SYT2: variants seen among roughly 807,000 people sequenced by gnomAD.
SYT2 encodes synaptotagmin-2.
Under a neutral mutation model 39.9 loss-of-function variants are expected in SYT2, and 15 were observed. The observed-to-expected ratio is 0.38, with a 90% CI of 0.25 to 0.58. The LOEUF (loss-of-function observed/expected upper bound fraction) is 0.58. Among genes scored for constraint, SYT2 ranks in the 20% least tolerant of loss-of-function variants. The probability of loss-of-function intolerance (pLI) is 0.70; values close to 1 mark genes in which losing one functional copy is unlikely to be tolerated. For missense variants in SYT2, 389 were observed against 530.3 expected, an observed-to-expected ratio of 0.73 and a Z score of 2.62; for synonymous variants, 181 against 204.5, an observed-to-expected ratio of 0.89 and a Z score of 0.98.
At chr1:202,620,654 C>A (rs990004198) in intron 1 of SYT2, among the ~76,000 whole-genome samples, 1 of 151,958 alleles carries the variant, frequency 6.6e-6, no homozygotes, top group South Asian at 2.1e-4. Flanking sequence ...TGTCTAGAGG[C>A]TCTCTCTTTC....
chr1:202,655,279 G>A, intron 1 of SYT2, among the ~76,000 whole-genome samples: 1 of 152,178 alleles, frequency 6.6e-6, no homozygotes, highest in Admixed American at 6.5e-5. Context: ...GCGAGCCCAG[G>A]ACAGGCCTTG....
At chr1:202,622,963 A>C (rs1691245395) in intron 1 of SYT2, among the ~76,000 whole-genome samples, 1 of 152,092 alleles carries the variant, frequency 6.6e-6, no homozygotes, top group Admixed American at 6.5e-5. Flanking sequence ...CACACAAACA[A>C]CACCGCTAAA....
intron 1 of SYT2, among the ~76,000 whole-genome samples, chr1:202,616,986 C>T (rs1691059620): frequency 6.6e-6 from 1 of 152,230 alleles, no homozygotes; most frequent in Admixed American, 6.5e-5. Flanking sequence ...TCATAAAATG[C>T]AAAGCCAGTC....
chr1:202,684,982 G>C (rs1012919298), intron 1 of SYT2, among the ~76,000 whole-genome samples: 6 of 152,140 alleles, frequency 3.9e-5, no homozygotes, highest in Non-Finnish European at 7.3e-5. Flanking sequence ...CTGTGGACAG[G>C]GTTGGGGGAG....
intron 1 of SYT2, among the ~76,000 whole-genome samples, chr1:202,671,662 TCCA>T (rs1388688419): frequency 6.6e-6 from 1 of 152,168 alleles, no homozygotes; most frequent in Non-Finnish European, 1.5e-5. Context: ...ATGTCCAGAA[TCCA>T]CCAAGGCAGG....
Position 202,596,300 on chromosome 1 carries a change from C to CACAT in SYT2, c.*456_*457insATGT, listed in dbSNP as rs1553333850. 3.5e-3 allele frequency: 242 copies of CACAT among 69,572 alleles called. 1 individual carries two copies. The highest frequency in any genetic ancestry group is 0.011 in the African/African-American group (167 of 15,006). The allele number at this position is 69,572 out of a possible 1,614,324, so 4.3% of individuals were successfully genotyped here. A position where few individuals can be genotyped will look rare whatever the true frequency, so the allele number is the denominator to read the frequency against. On this transcript the variant is annotated 3_prime_UTR_variant, in exon 9 of 9. Transcript: ENST00000367268. ...ACACACACACACACACACACACACACACACACATACACACACACACACACA... is the reference window on the plus strand; with the variant it reads ...ACACACACACACACACACACACACACACATACACACATACACACACACACACACA...
At chr1:202,683,693 G>A (rs1019983670) in intron 1 of SYT2, among the ~76,000 whole-genome samples, 4 of 148,736 alleles carry the variant, frequency 2.7e-5, no homozygotes, top group Admixed American at 2.0e-4. Flanking sequence ...AGTGAGCCAC[G>A]ATGGTGCCAC....
intron 1 of SYT2, chr1:202,627,675 G>A (rs1691456357): frequency 1.0e-6 from 1 of 975,126 alleles, no homozygotes; most frequent in Non-Finnish European, 1.2e-6. Context: ...TTGACCAGGA[G>A]TTGTCTGCCT....
intron 8 of SYT2, among the ~76,000 whole-genome samples, chr1:202,598,798 A>G (rs1419053678): frequency 6.6e-6 from 1 of 152,216 alleles, no homozygotes; most frequent in Non-Finnish European, 1.5e-5. Context: ...GAAGCAGATC[A>G]GAGGAGTAGA....
intron 1 of SYT2, among the ~76,000 whole-genome samples, chr1:202,702,199 C>A (rs752963032): frequency 1.8e-4 from 28 of 152,204 alleles, no homozygotes; most frequent in Non-Finnish European, 3.2e-4. Context: ...GAGCACGCCT[C>A]CCTGGGAAGC....
chr1:202,707,090 T>C (rs1331835853), intron 1 of SYT2, among the ~76,000 whole-genome samples: 2 of 152,180 alleles, frequency 1.3e-5, no homozygotes, highest in East Asian at 3.8e-4. Context: ...AACAGGTCTG[T>C]TTTGTTCCCA....
At chr1:202,675,063 T>A (rs2149110599) in intron 1 of SYT2, among the ~76,000 whole-genome samples, 1 of 152,284 alleles carries the variant, frequency 6.6e-6, no homozygotes, top group South Asian at 2.1e-4. Flanking sequence ...TATTACAGCA[T>A]CCCCTGAACA....
At chr1:202,681,697 G>A (rs928015666) in intron 1 of SYT2, among the ~76,000 whole-genome samples, 2 of 152,140 alleles carry the variant, frequency 1.3e-5, no homozygotes, top group Non-Finnish European at 2.9e-5. Context: ...ATGGCTGCTT[G>A]GATGACTCCC....
At chr1:202,709,583 A>C (rs950236541) in intron 1 of SYT2, among the ~76,000 whole-genome samples, 1 of 152,246 alleles carries the variant, frequency 6.6e-6, no homozygotes, top group Non-Finnish European at 1.5e-5. Context: ...CCTTGGGGAC[A>C]GAGCTGAAGC....
At chr1:202,641,759 C>T (rs1349143269) in intron 1 of SYT2, among the ~76,000 whole-genome samples, 2 of 152,188 alleles carry the variant, frequency 1.3e-5, no homozygotes, top group African/African-American at 2.4e-5. Flanking sequence ...GAGAGCAGAC[C>T]GCATGACCTT....
intron 1 of SYT2, among the ~76,000 whole-genome samples, chr1:202,609,666 C>T (rs1372684835): frequency 6.6e-6 from 1 of 152,154 alleles, no homozygotes; most frequent in African/African-American, 2.4e-5. Flanking sequence ...TTTCATGTGT[C>T]TTTTGGCTGC....
intron 1 of SYT2, among the ~76,000 whole-genome samples, chr1:202,679,090 C>T (rs774350564): frequency 1.2e-4 from 19 of 152,248 alleles, no homozygotes; most frequent in East Asian, 3.9e-4. Context: ...TCTGGGGCGA[C>T]GCCCATCTCT....
intron 1 of SYT2, among the ~76,000 whole-genome samples, chr1:202,678,318 G>T (rs975124369): frequency 5.3e-5 from 8 of 149,702 alleles, no homozygotes; most frequent in Non-Finnish European, 1.2e-4. Flanking sequence ...AAATAAAATG[G>T]ATGCTTGTAC....
intron 1 of SYT2, among the ~76,000 whole-genome samples, chr1:202,620,911 C>A (rs577372019): frequency 1.3e-5 from 2 of 152,256 alleles, no homozygotes; most frequent in Admixed American, 6.5e-5. Context: ...GGCCCAGATG[C>A]CCTGGAGCTT....
Sources: allele counts gnomAD v4.1 joint callset (sites outside exome capture counted in the v4.1 genomes callset), GRCh38; gene constraint gnomAD v4.1.1; transcripts MANE v1.5; gene names NCBI Gene and HGNC (gene_info 2026-07-23, HGNC 2026-07-21).